TRPM7: variants seen among roughly 807,000 people sequenced by gnomAD.
The protein encoded by TRPM7 is transient receptor potential cation channel subfamily M member 7.
A neutral mutation model predicts 229.7 loss-of-function variants in TRPM7; 134 were observed. The observed-to-expected ratio is 0.58, with a 90% CI of 0.51 to 0.67. The LOEUF is 0.67. Among genes scored for constraint, TRPM7 ranks in the 30% least tolerant of loss-of-function variants. The probability of loss-of-function intolerance (pLI) is 0.00; values close to 1 mark genes in which losing one functional copy is unlikely to be tolerated. For missense variants in TRPM7, 1,901 were observed against 2,210.0 expected (o/e 0.86, Z 2.80); for synonymous variants, 699 against 715.2 (o/e 0.98, Z 0.36).
In TRPM7 at chr15:50,624,830, CA is replaced by C. The variant is rs563655108; in HGVS notation, c.1306-531del. Among the ~76,000 whole-genome samples, 713 of 152,264 alleles carry C rather than the reference CA, an allele frequency of 4.7e-3. 5 individuals carry two copies. Among genetic ancestry groups the C allele is most frequent in the African/African-American group, 0.017 (688 of 41,560 alleles). ...AGTAATTCTGCCTTACAAATGAACA[CA>C]AAGTATTTCATCATAGTTTTTGTTC... On this transcript the variant is annotated intron_variant, in intron 11 of 38. Coordinates refer to ENST00000646667, the MANE Select transcript of TRPM7 (RefSeq NM_017672.6).
rs34352984 is a variant in TRPM7 at position 50,619,668 on chromosome 15, A to AT, written c.1494+76dup. 2.3e-3 allele frequency: 2,643 copies of AT among 1,156,504 alleles called. 11 individuals are homozygous for AT. Among genetic ancestry groups the AT allele is most frequent in the African/African-American group, 0.016 (1,002 of 62,410 alleles). The allele number at this position is 1,156,504 out of a possible 1,614,324, so 71.6% of individuals were successfully genotyped here. The stretch of plus-strand genomic sequence containing the variant: ...GGTATTTCTAAAATGTATTTAAATG[A>AT]TTTTTTTTTTAAAAAACATGAAATA... On this transcript the variant is annotated intron_variant, in intron 13 of 38. Coordinates refer to ENST00000646667, the MANE Select transcript of TRPM7 (RefSeq NM_017672.6).
chr15:50,583,213 AC>A lies in TRPM7; in HGVS notation c.4487-55del, dbSNP rs577342400. ...GCTACACAACTGAAGTTTTATGAAT[AC>A]CAACTAACCAAACACAAAGTATTCT... On this transcript the variant is annotated intron_variant, in intron 28 of 38. Coordinates refer to ENST00000646667, the MANE Select transcript of TRPM7 (RefSeq NM_017672.6). The A allele has an allele frequency of 3.9e-4, 498 of 1,274,200 alleles. 2 individuals carry two copies. The African/African-American group carries it at 6.8e-3, about 17-fold the overall frequency. The allele number at this position is 1,274,200 out of a possible 1,614,324, so 78.9% of individuals were successfully genotyped here.
chr15:50,621,794 G>A (rs929729269), intron 12 of TRPM7, among the ~76,000 whole-genome samples: 2 of 152,160 alleles, frequency 1.3e-5, no homozygotes, highest in African/African-American at 4.8e-5. Flanking sequence ...ACTTTGGGAG[G>A]TCGAGGCAGT....
At chr15:50,675,772 G>T (rs1446698807) in intron 1 of TRPM7, among the ~76,000 whole-genome samples, 1 of 152,176 alleles carries the variant, frequency 6.6e-6, no homozygotes, top group African/African-American at 2.4e-5. Flanking sequence ...TCCTAAATTT[G>T]TATGTTCCAA....
intron 13 of TRPM7, among the ~76,000 whole-genome samples, chr15:50,616,670 T>G (rs2060230176): frequency 8.8e-6 from 1 of 114,102 alleles, no homozygotes; most frequent in Non-Finnish European, 1.8e-5. Flanking sequence ...TATAGTAAAG[T>G]CAAAAAATGT....
At chr15:50,575,944 G>A (rs748659595) in intron 31 of TRPM7, 25 bp from the exon 32 acceptor site, 6 of 1,609,592 alleles carry the variant, frequency 3.7e-6, no homozygotes, top group Non-Finnish European at 5.1e-6. Context: ...AAACAAACGA[G>A]ACCATTTAAA....
At chr15:50,633,146 T>C (rs2060788190) in intron 8 of TRPM7, among the ~76,000 whole-genome samples, 154 bp from the exon 9 acceptor site, 1 of 152,176 alleles carries the variant, frequency 6.6e-6, no homozygotes, top group African/African-American at 2.4e-5. Context: ...TACATGAGAC[T>C]CCCAACACAA....
chr15:50,587,561 G>A (rs183566749), intron 27 of TRPM7, among the ~76,000 whole-genome samples: 64 of 151,894 alleles, frequency 4.2e-4, no homozygotes, highest in African/African-American at 1.5e-3. Flanking sequence ...TTTTCAGCAC[G>A]TTTTTTCTTT....
intron 22 of TRPM7, among the ~76,000 whole-genome samples, chr15:50,598,717 A>G (rs1455572062): frequency 6.6e-6 from 1 of 152,224 alleles, no homozygotes; most frequent in Non-Finnish European, 1.5e-5. Flanking sequence ...AACCATCGAT[A>G]AACAGTGTCT....
intron 11 of TRPM7, among the ~76,000 whole-genome samples, chr15:50,627,861 C>T (rs2060613886): frequency 6.6e-6 from 1 of 152,134 alleles, no homozygotes; most frequent in Non-Finnish European, 1.5e-5. Flanking sequence ...GTCTAAACAT[C>T]AGGGGGAATG....
At chr15:50,674,028 G>A (rs1008382256) in intron 1 of TRPM7, among the ~76,000 whole-genome samples, 8 of 152,040 alleles carry the variant, frequency 5.3e-5, no homozygotes, top group African/African-American at 1.2e-4. Context: ...TTACTCTGTC[G>A]CCCAGGCTGG....
At chr15:50,574,141 A>C (rs1019233490) in intron 36 of TRPM7, 133 bp downstream of exon 36, 2 of 705,950 alleles carry the variant, frequency 2.8e-6, no homozygotes, top group Non-Finnish European at 4.7e-6. Flanking sequence ...TATGACTGTG[A>C]TTAACTTGCT....
rs2059783916 is a variant in TRPM7, at chr15:50,601,640, T to G, written c.2989-2344A>C. 2.0e-5 allele frequency among the ~76,000 whole-genome samples: 3 copies of G among 152,038 alleles called. No homozygotes were observed. In the South Asian group the frequency reaches 6.2e-4, roughly 32 times the overall value. Reference sequence around the variant, plus strand: ...CTGGGTGACACAGCGAGACTCCATCTTAAAAAATAAAATAAAATAAAGTAA... The same window carrying G: ...CTGGGTGACACAGCGAGACTCCATCGTAAAAAATAAAATAAAATAAAGTAA... On this transcript the variant is annotated intron_variant, in intron 21 of 38. Coordinates refer to ENST00000646667, the MANE Select transcript of TRPM7 (RefSeq NM_017672.6).
intron 4 of TRPM7, among the ~76,000 whole-genome samples, chr15:50,646,463 T>C (rs912133749): frequency 4.6e-5 from 7 of 152,076 alleles, no homozygotes; most frequent in African/African-American, 1.7e-4. Context: ...TTTTGAATTT[T>C]AGTACAGACA....
At position 50,574,466 on chromosome 15, in the gene TRPM7, A is replaced by T; in HGVS notation, c.5116T>A (p.Phe1706Ile). ...IPYSPRFLEV[F>I]LLYCHSAGQW... Reference sequence around the variant, plus strand: ...CCTGCTGAATGGCAATACAGCAGGAAAACTTCAAGGAACCTTATAAAAAAT... The same window carrying T: ...CCTGCTGAATGGCAATACAGCAGGATAACTTCAAGGAACCTTATAAAAAAT... The change falls in exon 36 of 39, where the codon TTC becomes ATC. Residue 1706 changes from phenylalanine (F) to isoleucine (I), a missense_variant. By Grantham distance (21) the Phe-to-Ile change is conservative. This residue lies in a region of TRPM7 where 257 missense variants were observed against 352.0 expected (regional missense o/e 0.73). Transcript: ENST00000646667. 1 of 1,612,104 alleles carries T rather than the reference A, an allele frequency of 6.2e-7. No individual in the cohort carries two copies. Among genetic ancestry groups the T allele is most frequent in the Non-Finnish European group, 8.5e-7 (1 of 1,179,446 alleles).
chr15:50,652,079 T>C (rs1383991025), intron 3 of TRPM7, among the ~76,000 whole-genome samples: 2 of 151,680 alleles, frequency 1.3e-5, no homozygotes, highest in Non-Finnish European at 2.9e-5. Flanking sequence ...ATGCCTGTAA[T>C]CCCAGCACTT....
At chr15:50,649,976 C>T (rs1219945571) in intron 3 of TRPM7, among the ~76,000 whole-genome samples, 2 of 151,962 alleles carry the variant, frequency 1.3e-5, no homozygotes, top group Non-Finnish European at 2.9e-5. Context: ...GGGCAGATTA[C>T]CTGAGGTCAG....
intron 12 of TRPM7, among the ~76,000 whole-genome samples, chr15:50,621,871 A>C (rs1339411745): frequency 1.3e-5 from 2 of 152,104 alleles, no homozygotes; most frequent in Non-Finnish European, 2.9e-5. Flanking sequence ...CACTACTAAA[A>C]ATACAGAAAT....
At chr15:50,617,963 A>G (rs1297791953) in intron 13 of TRPM7, among the ~76,000 whole-genome samples, 2 of 152,138 alleles carry the variant, frequency 1.3e-5, no homozygotes, top group African/African-American at 4.8e-5. Context: ...CTGGCCTTCT[A>G]TGTTTTTAAT....
Sources: gnomAD v4.1 joint callset for allele counts (sites outside exome capture counted in the v4.1 genomes callset) on GRCh38, gnomAD v4.1.1 for gene constraint, gnomAD v4.1.1 regional missense constraint, MANE v1.5 for transcripts, NCBI Gene and HGNC (gene_info 2026-07-23, HGNC 2026-07-21) for gene names.